The following TAF1 variants were observed in gnomAD, a reference collection of about 807,000 sequenced individuals.
TAF1 encodes the protein transcription initiation factor TFIID subunit 1.
In TAF1, 2 loss-of-function variants were observed where a neutral mutation model predicts 138.5. The observed-to-expected ratio is 0.01, with a 90% CI of 0.01 to 0.05. TAF1 has a LOEUF of 0.05. TAF1 is among the 10% of genes least tolerant of loss of function. TAF1 has a pLI of 1.00. For synonymous variants in TAF1, 437 were observed against 503.2 expected (o/e 0.87, Z 1.76); for missense variants, 709 against 1,478.0 (o/e 0.48, Z 8.53).
chrX:71,435,396 A>AC (rs1184445687), intron 32 of TAF1, among the ~76,000 whole-genome samples: 7 of 111,738 alleles, frequency 6.3e-5, no homozygotes, highest in South Asian at 7.5e-4. Flanking sequence ...ACTAAAGGGA[A>AC]CCCTTGCAGA....
chrX:71,506,314 C>T (rs2039624741), intron 13 of TAF1, among the ~76,000 whole-genome samples: 1 of 106,418 alleles, frequency 9.4e-6, no homozygotes, highest in Non-Finnish European at 1.9e-5. Flanking sequence ...TTGCTTGAGC[C>T]CAGGAGTTTG....
intron 32 of TAF1, among the ~76,000 whole-genome samples, chrX:71,431,518 C>T (rs149227407): frequency 0.01 from 1,146 of 111,017 alleles, 13 homozygotes; most frequent in Middle Eastern, 0.041. Flanking sequence ...AGTAGAAAGA[C>T]CATAGATTTT....
intron 13 of TAF1, among the ~76,000 whole-genome samples, chrX:71,482,832 CAGT>C (rs2039094974): frequency 8.9e-6 from 1 of 112,645 alleles, no homozygotes. Context: ...ATTTTACCCA[CAGT>C]AGAACTTCTT....
intron 32 of TAF1, among the ~76,000 whole-genome samples, chrX:71,452,300 C>G (rs1356287201): frequency 2.7e-5 from 3 of 110,314 alleles, no homozygotes; most frequent in Non-Finnish European, 5.7e-5. Context: ...CCTCACTTCT[C>G]AGACGGGGCG....
At chrX:71,396,588 G>C (rs1170056766) in intron 22 of TAF1, among the ~76,000 whole-genome samples, 1 of 111,356 alleles carries the variant, frequency 9.0e-6, no homozygotes, top group Non-Finnish European at 1.9e-5. Context: ...CACTGTACTC[G>C]GCCTTGTGTG....
At position 71,503,708 on chromosome X, in the gene TAF1, CT is replaced by C. The variant is rs1271005916; in HGVS notation, c.1367-24824del. On this transcript the variant is annotated intron_variant and NMD_transcript_variant, in intron 13 of 14. Coordinates refer to the TAF1 transcript ENST00000373775. Reference sequence around the variant, plus strand: ...ATGTGGTGTAATGTGGCTGGTTCAACTTTTTTTTTTCACAATCTTTTACTTG... The same window carrying C: ...ATGTGGTGTAATGTGGCTGGTTCAACTTTTTTTTTCACAATCTTTTACTTG... Among the ~76,000 whole-genome samples, 251 of 107,345 alleles carry C rather than the reference CT, an allele frequency of 2.3e-3. 2 individuals carry two copies. Among genetic ancestry groups the C allele is most frequent in the Middle Eastern group, 9.8e-3 (2 of 205 alleles). 93.2% of individuals were successfully genotyped at this position (107,345 alleles called of 115,157 possible).
intron 13 of TAF1, among the ~76,000 whole-genome samples, chrX:71,484,100 C>G (rs1438084739): frequency 2.7e-5 from 3 of 111,075 alleles, no homozygotes; most frequent in Non-Finnish European, 3.8e-5. Context: ...AATCTCCTGG[C>G]ATCAAGTGAT....
intron 13 of TAF1, among the ~76,000 whole-genome samples, chrX:71,471,346 TACACACACACACAC>T (rs1189459686): frequency 1.0e-5 from 1 of 95,674 alleles, no homozygotes. Flanking sequence ...TATATATATA[TACACACACACACAC>T]ACACACACAC....
At chrX:71,384,437 A>C (rs2034091571) in intron 13 of TAF1, among the ~76,000 whole-genome samples, 2 of 106,790 alleles carry the variant, frequency 1.9e-5, no homozygotes, top group South Asian at 8.3e-4. Flanking sequence ...TTTGAGACTG[A>C]ATCTTGCTCT....
intron 32 of TAF1, among the ~76,000 whole-genome samples, chrX:71,434,001 G>A (rs1298915121): frequency 8.9e-6 from 1 of 112,040 alleles, no homozygotes; most frequent in East Asian, 2.8e-4. Flanking sequence ...CGATATACAC[G>A]AAATAATATT....
intron 25 of TAF1, among the ~76,000 whole-genome samples, chrX:71,403,440 T>C (rs781065851): frequency 8.9e-6 from 1 of 112,288 alleles, no homozygotes; most frequent in East Asian, 2.8e-4. Flanking sequence ...TCCAATTAAA[T>C]GTTGTTGGCA....
At chrX:71,441,831 C>T (rs751311845) in intron 32 of TAF1, 1 of 159,004 alleles carries the variant, frequency 6.3e-6, no homozygotes, top group Admixed American at 8.7e-5. Flanking sequence ...CCCCACCCCA[C>T]AACAGGCCCC....
chrX:71,529,389 G>T (rs1569420663), intron 14 of TAF1: 1 of 163,025 alleles, frequency 6.1e-6, no homozygotes, highest in African/African-American at 3.2e-5. Context: ...TTTACAGAGT[G>T]CTGATTGGTG....
In TAF1 at chrX:71,465,946, A is replaced by G. The variant is rs1569382775; in HGVS notation, c.*1900A>G. The G allele has an allele frequency of 8.9e-6, 1 of 112,193 alleles. No individual in the cohort carries two copies. The highest frequency in any genetic ancestry group is 1.9e-5 in the Non-Finnish European group (1 of 53,265). 9.2% of individuals were successfully genotyped at this position (112,193 alleles called of 1,213,427 possible). On this transcript the variant is annotated 3_prime_UTR_variant, in exon 38 of 38. Transcript: ENST00000423759. ...TGGGATATTGTGCTTTTATTTCTAT[A>G]TTGTTTGAATTTTTTTACAGTATGT...
At chrX:71,454,997 C>T in intron 34 of TAF1, 140 bp downstream of exon 34, 1 of 1,164,572 alleles carries the variant, frequency 8.6e-7, no homozygotes, top group Non-Finnish European at 1.1e-6. Flanking sequence ...GCTTTCTTGT[C>T]TTCTCAAAGG....
At chrX:71,382,399 G>A (rs768646179) in intron 9 of TAF1, 137 bp from the exon 10 acceptor site, 22 of 850,009 alleles carry the variant, frequency 2.6e-5, no homozygotes, top group Middle Eastern at 4.5e-4. Flanking sequence ...AGTTACCTGG[G>A]GGGGGGTGGG....
chrX:71,373,306 T>G (rs1340603351), intron 3 of TAF1, among the ~76,000 whole-genome samples: 1 of 109,844 alleles, frequency 9.1e-6, no homozygotes, highest in Non-Finnish European at 1.9e-5. Context: ...TAGCTGGGAC[T>G]ACAGGCCCGT....
At chrX:71,423,880 C>A in intron 30 of TAF1, 94 bp from the exon 31 acceptor site, 1 of 696,477 alleles carries the variant, frequency 1.4e-6, no homozygotes, top group Non-Finnish European at 2.1e-6. Flanking sequence ...GAGTCCATAG[C>A]TTTTTTTAGG....
In TAF1 at chrX:71,367,959, C is replaced by T. The variant is rs980731499; in HGVS notation, c.236-95C>T. ...GTGCTGGGATTACAGGCGTGAGCCA[C>T]CGCATCCAGCCTGTACATGTACTTT... On this transcript the variant is annotated intron_variant, in intron 2 of 37. Coordinates refer to ENST00000423759, the MANE Select transcript of TAF1 (RefSeq NM_004606.5). 2.9e-5 allele frequency: 28 copies of T among 956,868 alleles called. No individual in the cohort carries two copies. In the African/African-American group the frequency reaches 4.8e-4, roughly 16 times the overall value. The allele number at this position is 956,868 out of a possible 1,213,427, so 78.9% of individuals were successfully genotyped here. A position where few individuals can be genotyped will look rare whatever the true frequency, so the allele number is the denominator to read the frequency against.
Sources: gnomAD v4.1 joint callset for allele counts (sites outside exome capture counted in the v4.1 genomes callset) on GRCh38, gnomAD v4.1.1 for gene constraint, MANE v1.5 for transcripts, NCBI Gene and HGNC (gene_info 2026-07-23, HGNC 2026-07-21) for gene names.